STK33: variants seen among roughly 807,000 people sequenced by gnomAD.
STK33 encodes serine/threonine kinase 33.
STK33 carries 52 observed loss-of-function variants against 58.0 expected under a neutral mutation model. That is an observed-to-expected ratio of 0.90 (90% CI 0.72 to 1.13). The LOEUF (loss-of-function observed/expected upper bound fraction) is 1.13. Ranked by LOEUF, STK33 falls within the 50% of genes most tolerant of loss-of-function variation. The pLI is 0.00. For synonymous variants in STK33, 215 were observed against 200.1 expected (o/e 1.07, Z -0.63); for missense variants, 630 against 604.2 (o/e 1.04, Z -0.45).
intron 1 of STK33, among the ~76,000 whole-genome samples, chr11:8,554,818 CA>C (rs1366286216): frequency 9.2e-5 from 14 of 152,274 alleles, no homozygotes; most frequent in African/African-American, 3.1e-4. Context: ...ATGTTCACTG[CA>C]ACACTACTCA....
At chr11:8,473,979 C>A (rs936431742) in intron 5 of STK33, among the ~76,000 whole-genome samples, 1 of 152,028 alleles carries the variant, frequency 6.6e-6, no homozygotes, top group Non-Finnish European at 1.5e-5. Context: ...TCAAGACCAG[C>A]CTGACCAACA....
intron 1 of STK33, among the ~76,000 whole-genome samples, chr11:8,578,720 TC>T (rs1489460701): frequency 6.6e-6 from 1 of 151,928 alleles, no homozygotes; most frequent in Admixed American, 6.6e-5. Flanking sequence ...TATATACTCT[TC>T]TTTTTTAAAA....
chr11:8,382,256 G>A, the STK33 span, among the ~76,000 whole-genome samples: 22,579 of 152,248 alleles, frequency 0.15, 3,004 homozygotes, highest in African/African-American at 0.35. Flanking sequence ...CACTGGACAT[G>A]TGGCATCTTG....
At chr11:8,506,131 A>G (rs898591991) in intron 1 of STK33, among the ~76,000 whole-genome samples, 5 of 152,154 alleles carry the variant, frequency 3.3e-5, no homozygotes, top group Admixed American at 6.6e-5. Context: ...AATTGTCACA[A>G]TCTCCGTAAA....
At chr11:8,516,548 G>A (rs918861530) in intron 1 of STK33, among the ~76,000 whole-genome samples, 3 of 152,380 alleles carry the variant, frequency 2.0e-5, no homozygotes, top group African/African-American at 4.8e-5. Context: ...CCTCACCCGG[G>A]AAGTGCAAGG....
At chr11:8,483,945 T>C (rs11041946) in intron 1 of STK33, among the ~76,000 whole-genome samples, 8,978 of 152,240 alleles carry the variant, frequency 0.059, 479 homozygotes, top group African/African-American at 0.15. Context: ...AATAAAGCTA[T>C]ATCAATTTTA....
At chr11:8,374,560 C>T in the STK33 span, among the ~76,000 whole-genome samples, 3 of 152,260 alleles carry the variant, frequency 2.0e-5, no homozygotes, top group Non-Finnish European at 4.4e-5. Flanking sequence ...AGATCATACT[C>T]GGGGTCTCCA....
intron 11 of STK33, among the ~76,000 whole-genome samples, chr11:8,444,390 AT>A (rs1945145595): frequency 6.6e-6 from 1 of 152,150 alleles, no homozygotes; most frequent in Non-Finnish European, 1.5e-5. Context: ...ATTTATAAAA[AT>A]CTTGTTTAAT....
intron 1 of STK33, among the ~76,000 whole-genome samples, chr11:8,586,922 A>G (rs1373968242): frequency 6.6e-6 from 1 of 152,128 alleles, no homozygotes; most frequent in Non-Finnish European, 1.5e-5. Flanking sequence ...TTTGTATCCC[A>G]AAAACCTAGC....
downstream of STK33, among the ~76,000 whole-genome samples, chr11:8,387,310 AAACACG>A (rs1207331280): frequency 3.9e-5 from 6 of 152,268 alleles, no homozygotes; most frequent in Admixed American, 6.5e-5. Context: ...AGGGGAGCAA[AAACACG>A]AACATCTTGA....
chr11:8,495,225 C>A (rs575807730), intron 1 of STK33, among the ~76,000 whole-genome samples: 440 of 152,054 alleles, frequency 2.9e-3, no homozygotes, highest in South Asian at 0.013. Context: ...CCAGAATCTA[C>A]AAAGAACTTA....
chr11:8,490,559 G>C (rs865810293), intron 1 of STK33, among the ~76,000 whole-genome samples: 40 of 152,318 alleles, frequency 2.6e-4, no homozygotes, highest in African/African-American at 8.9e-4. Flanking sequence ...GCTGTGAAGA[G>C]AGCAGTGGTT....
intron 15 of STK33, among the ~76,000 whole-genome samples, chr11:8,403,604 G>A (rs1005874227): frequency 6.6e-6 from 1 of 152,134 alleles, no homozygotes; most frequent in African/African-American, 2.4e-5. Context: ...TTACCATTTG[G>A]GACAGTTGAA....
intron 1 of STK33, among the ~76,000 whole-genome samples, chr11:8,522,329 AT>A (rs1286029008): frequency 6.6e-6 from 1 of 152,208 alleles, no homozygotes; most frequent in Non-Finnish European, 1.5e-5. Flanking sequence ...TTGCAGGGAC[AT>A]GGGTGAAGCT....
At chr11:8,410,766 C>G (rs1463413828) in intron 15 of STK33, among the ~76,000 whole-genome samples, 1 of 152,076 alleles carries the variant, frequency 6.6e-6, no homozygotes, top group African/African-American at 2.4e-5. Context: ...AACCACCACG[C>G]CTGGCCTGAA....
intron 1 of STK33, among the ~76,000 whole-genome samples, chr11:8,527,537 G>A (rs943161127): frequency 2.0e-5 from 3 of 151,464 alleles, no homozygotes; most frequent in African/African-American, 4.9e-5. Context: ...GGTTGGGGTG[G>A]AAGACATAAG....
chr11:8,498,742 C>T (rs940545572), intron 1 of STK33, among the ~76,000 whole-genome samples: 2 of 152,050 alleles, frequency 1.3e-5, no homozygotes, highest in East Asian at 1.9e-4. Flanking sequence ...GATATATAGA[C>T]CAATGGAACA....
the STK33 span, among the ~76,000 whole-genome samples, chr11:8,373,910 C>T: frequency 2.0e-5 from 3 of 152,242 alleles, no homozygotes; most frequent in African/African-American, 4.8e-5. Context: ...CTCTCACCAG[C>T]AGTCCAAGTG....
At chr11:8,379,114 C>T in the STK33 span, among the ~76,000 whole-genome samples, 1 of 151,164 alleles carries the variant, frequency 6.6e-6, no homozygotes, top group African/African-American at 2.4e-5. Context: ...AAACTGGATC[C>T]CTATCTCTCA....
Sources: gnomAD v4.1 joint callset for allele counts (sites outside exome capture counted in the v4.1 genomes callset) on GRCh38, gnomAD v4.1.1 for gene constraint, MANE v1.5 for transcripts, NCBI Gene and HGNC (gene_info 2026-07-23, HGNC 2026-07-21) for gene names.